GRIA1: variants seen among roughly 807,000 people sequenced by gnomAD.
The protein encoded by GRIA1 is glutamate receptor 1.
In GRIA1, 31 loss-of-function variants were observed where a neutral mutation model predicts 99.2. The observed-to-expected ratio is 0.31, with a 90% CI of 0.23 to 0.42. The LOEUF (loss-of-function observed/expected upper bound fraction) is 0.42, where lower values mean the gene tolerates loss of function less well. Ranked by LOEUF, GRIA1 falls within the 10% of genes least tolerant of loss-of-function variation. The probability of loss-of-function intolerance (pLI) is 1.00; values close to 1 mark genes in which losing one functional copy is unlikely to be tolerated. For synonymous variants in GRIA1, 438 were observed against 432.4 expected, an observed-to-expected ratio of 1.01 and a Z score of -0.16; for missense variants, 782 against 1,157.5, an observed-to-expected ratio of 0.68 and a Z score of 4.71.
In GRIA1 at chr5:153,761,561, G is replaced by A. The variant is rs555582877; in HGVS notation, c.1824-2873G>A. 5.7e-4 allele frequency among the ~76,000 whole-genome samples: 86 copies of A among 152,210 alleles called. 1 individual carries two copies. The highest frequency in any genetic ancestry group is 1.9e-3 in the African/African-American group (78 of 41,532). On this transcript the variant is annotated intron_variant, in intron 11 of 15. Coordinates refer to ENST00000285900, the MANE Select transcript of GRIA1 (RefSeq NM_000827.4). ...TGAGGAAGGGGAACTCTTATATGCC[G>A]CTGGTGGGAATATAAATAGTGCAGC...
intron 2 of GRIA1, among the ~76,000 whole-genome samples, chr5:153,546,396 C>T (rs967354586): frequency 6.6e-6 from 1 of 152,128 alleles, no homozygotes; most frequent in African/African-American, 2.4e-5. Flanking sequence ...TGCTTTGTTA[C>T]CTTACTTATC....
chr5:153,732,983 A>T (rs1297853404), intron 11 of GRIA1, among the ~76,000 whole-genome samples: 1 of 151,298 alleles, frequency 6.6e-6, no homozygotes, highest in Non-Finnish European at 1.5e-5. Context: ...ATTTATTGAA[A>T]AGACTATCCT....
At chr5:153,724,231 C>A (rs1475126930) in intron 11 of GRIA1, among the ~76,000 whole-genome samples, 3 of 152,016 alleles carry the variant, frequency 2.0e-5, no homozygotes, top group African/African-American at 4.8e-5. Context: ...ACATCCACAC[C>A]AAAAACCCAT....
At chr5:153,792,342 C>G (rs1765350785) in intron 13 of GRIA1, among the ~76,000 whole-genome samples, 1 of 152,196 alleles carries the variant, frequency 6.6e-6, no homozygotes, top group South Asian at 2.1e-4. Context: ...CTGAGTGGAA[C>G]AGTGAGGACT....
chr5:153,730,773 G>A (rs898242548), intron 11 of GRIA1, among the ~76,000 whole-genome samples: 3 of 151,990 alleles, frequency 2.0e-5, no homozygotes, highest in African/African-American at 2.4e-5. Flanking sequence ...ATAACGTCCC[G>A]GACTAGTTTC....
At chr5:153,726,780 G>A (rs1446721739) in intron 11 of GRIA1, among the ~76,000 whole-genome samples, 2 of 152,190 alleles carry the variant, frequency 1.3e-5, no homozygotes, top group Non-Finnish European at 2.9e-5. Flanking sequence ...GGACCAGATG[G>A]ATTCACAGCC....
chr5:153,685,059 A>G (rs1757250218), intron 7 of GRIA1, among the ~76,000 whole-genome samples: 1 of 152,214 alleles, frequency 6.6e-6, no homozygotes, highest in African/African-American at 2.4e-5. Context: ...CACTGTCAGA[A>G]AAAAATATAA....
intron 3 of GRIA1, among the ~76,000 whole-genome samples, chr5:153,647,600 A>G (rs993514512): frequency 6.6e-6 from 1 of 152,164 alleles, no homozygotes; most frequent in African/African-American, 2.4e-5. Flanking sequence ...GGATAAAAAC[A>G]ATGTCTATCT....
chr5:153,602,578 T>C (rs927961024), intron 2 of GRIA1, among the ~76,000 whole-genome samples: 3 of 152,174 alleles, frequency 2.0e-5, no homozygotes, highest in African/African-American at 7.2e-5. Flanking sequence ...ACTATATAGC[T>C]TGAATTGCTC....
chr5:153,653,312 G>A (rs985887216), intron 4 of GRIA1, among the ~76,000 whole-genome samples: 6 of 152,166 alleles, frequency 3.9e-5, no homozygotes, highest in African/African-American at 1.4e-4. Flanking sequence ...AGGCCCAGAG[G>A]GCATGTGAGG....
intron 11 of GRIA1, among the ~76,000 whole-genome samples, chr5:153,723,370 A>C (rs1760221719): frequency 6.6e-6 from 1 of 152,198 alleles, no homozygotes; most frequent in African/African-American, 2.4e-5. Context: ...TCATCTCACT[A>C]GGGAGTGCCA....
At chr5:153,772,940 C>G (rs1763977869) in intron 13 of GRIA1, among the ~76,000 whole-genome samples, 1 of 152,076 alleles carries the variant, frequency 6.6e-6, no homozygotes, top group Non-Finnish European at 1.5e-5. Flanking sequence ...TTTGTCCAAT[C>G]AATAGAGTAC....
At position 153,490,793 on chromosome 5, in the gene GRIA1, A is replaced by G; in HGVS notation, c.-96A>G. ...AAGGAAGGAACTGCAGGAGGAAAAG[A>G]ACAGGCAGAACAGCGAGAAGAATAA... On this transcript the variant is annotated 5_prime_UTR_variant, in exon 1 of 16. Coordinates refer to ENST00000285900, the MANE Select transcript of GRIA1 (RefSeq NM_000827.4). 1 of 907,534 alleles carries G rather than the reference A, an allele frequency of 1.1e-6. No individual in the cohort carries two copies. Among genetic ancestry groups the G allele is most frequent in the East Asian group, 2.4e-5 (1 of 41,612 alleles). The allele number at this position is 907,534 out of a possible 1,614,324, so 56.2% of individuals were successfully genotyped here. A position where few individuals can be genotyped will look rare whatever the true frequency, so the allele number is the denominator to read the frequency against.
intron 2 of GRIA1, among the ~76,000 whole-genome samples, chr5:153,530,916 A>C (rs1758041301): frequency 6.6e-6 from 1 of 152,262 alleles, no homozygotes. Flanking sequence ...AGTGACAGTA[A>C]GATAGACGCA....
At chr5:153,610,974 G>T (rs112654520) in intron 2 of GRIA1, among the ~76,000 whole-genome samples, 35 of 152,298 alleles carry the variant, frequency 2.3e-4, no homozygotes, top group African/African-American at 8.2e-4. Flanking sequence ...TCTTCAACCT[G>T]GTGGATGGTT....
At chr5:153,738,939 C>T (rs909237084) in intron 11 of GRIA1, among the ~76,000 whole-genome samples, 8 of 152,020 alleles carry the variant, frequency 5.3e-5, no homozygotes, top group African/African-American at 1.9e-4. Flanking sequence ...CCAGGATGGT[C>T]TCGAACTCCC....
intron 2 of GRIA1, among the ~76,000 whole-genome samples, chr5:153,526,166 T>G (rs892333161): frequency 1.3e-5 from 2 of 152,210 alleles, no homozygotes; most frequent in African/African-American, 4.8e-5. Flanking sequence ...ACATTAATGA[T>G]GGAGAGGATC....
chr5:153,580,968 C>G (rs17519656), intron 2 of GRIA1, among the ~76,000 whole-genome samples: 15,284 of 152,218 alleles, frequency 0.1, 906 homozygotes, highest in South Asian at 0.25. Context: ...CATCTTATGA[C>G]AGCTTTTTCC....
chr5:153,765,041 T>C (rs1248297850), intron 12 of GRIA1, among the ~76,000 whole-genome samples: 1 of 152,072 alleles, frequency 6.6e-6, no homozygotes, highest in Non-Finnish European at 1.5e-5. Flanking sequence ...GCTCAGTGAA[T>C]GTTTGTTGAC....
Sources: allele counts gnomAD v4.1 joint callset (sites outside exome capture counted in the v4.1 genomes callset), GRCh38; gene constraint gnomAD v4.1.1; transcripts MANE v1.5; gene names NCBI Gene and HGNC (gene_info 2026-07-23, HGNC 2026-07-21).